The following RIMS2 variants were observed in gnomAD, a reference collection of about 807,000 sequenced individuals.
The protein encoded by RIMS2 is regulating synaptic membrane exocytosis protein 2.
A neutral mutation model predicts 174.4 loss-of-function variants in RIMS2; 59 were observed. The observed-to-expected ratio is 0.34, with a 90% CI of 0.27 to 0.42. The LOEUF is 0.42. RIMS2 is among the 10% of genes least tolerant of loss of function. RIMS2 has a pLI of 1.00. For synonymous variants in RIMS2, 606 were observed against 572.5 expected (o/e 1.06, Z -0.84); for missense variants, 1,620 against 1,666.3 (o/e 0.97, Z 0.48).
chr8:103,601,970 A>C (rs1169638334), intron 1 of RIMS2, among the ~76,000 whole-genome samples: 2 of 151,602 alleles, frequency 1.3e-5, no homozygotes, highest in African/African-American at 4.8e-5. Flanking sequence ...ATGCTTTTTT[A>C]TTTTTATTAT....
chr8:103,625,912 ATATATATACACAC>A (rs1299960651), intron 1 of RIMS2, among the ~76,000 whole-genome samples: 2 of 151,624 alleles, frequency 1.3e-5, no homozygotes, highest in Admixed American at 1.3e-4. Context: ...TGTATATATT[ATATATATACACAC>A]ACTAGTAAAT....
At chr8:103,842,266 T>C (rs1044227034) in intron 3 of RIMS2, among the ~76,000 whole-genome samples, 5 of 152,078 alleles carry the variant, frequency 3.3e-5, no homozygotes, top group African/African-American at 1.2e-4. Flanking sequence ...AATACAGTTA[T>C]AGTTTTTGCT....
intron 1 of RIMS2, among the ~76,000 whole-genome samples, chr8:103,661,392 T>C (rs1355501662): frequency 6.6e-6 from 1 of 152,230 alleles, no homozygotes; most frequent in Non-Finnish European, 1.5e-5. Context: ...TTTGGAGTTA[T>C]TTGTGAAAGT....
intron 14 of RIMS2, among the ~76,000 whole-genome samples, chr8:103,949,409 A>G (rs936044285): frequency 1.3e-5 from 2 of 152,162 alleles, no homozygotes; most frequent in Non-Finnish European, 2.9e-5. Context: ...CCAAACAAGT[A>G]TCGATAAGTT....
exon 3 of RIMS2, chr8:103,766,385 A>G (rs775597931): frequency 6.2e-7 from 1 of 1,613,936 alleles, no homozygotes; most frequent in Non-Finnish European, 8.5e-7. Flanking sequence ...AGAAACCAAA[A>G]CTACATGAGC....
chr8:103,501,423 G>A (rs754658551), intron 1 of RIMS2: 48 of 156,074 alleles, frequency 3.1e-4, no homozygotes, highest in Non-Finnish European at 5.9e-4. Flanking sequence ...GCCGCGCTGA[G>A]GCAGTGACTG....
intron 1 of RIMS2, among the ~76,000 whole-genome samples, chr8:103,520,314 G>A (rs1159676021): frequency 6.6e-6 from 1 of 152,094 alleles, no homozygotes; most frequent in Admixed American, 6.6e-5. Flanking sequence ...TCTGAAGTTA[G>A]ATTCATTTGT....
intron 19 of RIMS2, among the ~76,000 whole-genome samples, chr8:104,097,856 C>A (rs998455509): frequency 6.6e-5 from 10 of 152,016 alleles, no homozygotes; most frequent in African/African-American, 2.4e-4. Context: ...CTTTTAATGG[C>A]CATTACTTTT....
At chr8:103,799,980 G>A (rs1737536319) in intron 3 of RIMS2, among the ~76,000 whole-genome samples, 3 of 152,046 alleles carry the variant, frequency 2.0e-5, no homozygotes, top group African/African-American at 7.2e-5. Flanking sequence ...CCTTTCTCAT[G>A]TATATTTTAA....
chr8:103,712,330 T>C (rs1415436038), intron 2 of RIMS2, among the ~76,000 whole-genome samples: 1 of 152,008 alleles, frequency 6.6e-6, no homozygotes, highest in Admixed American at 6.6e-5. Context: ...AAATGTTAAT[T>C]TAAAAATATG....
chr8:103,743,053 C>A (rs187546527), intron 2 of RIMS2, among the ~76,000 whole-genome samples: 76 of 152,208 alleles, frequency 5.0e-4, no homozygotes, highest in African/African-American at 1.6e-3. Context: ...TCCTTTTATG[C>A]CCTCTTCCAA....
chr8:104,064,274 A>G (rs1311266478), intron 19 of RIMS2, among the ~76,000 whole-genome samples: 1 of 152,200 alleles, frequency 6.6e-6, no homozygotes, highest in Non-Finnish European at 1.5e-5. Flanking sequence ...ATATGATTTA[A>G]GGAAATAAGT....
intron 19 of RIMS2, among the ~76,000 whole-genome samples, chr8:104,043,738 T>C (rs1489653064): frequency 6.6e-6 from 1 of 151,706 alleles, no homozygotes; most frequent in Non-Finnish European, 1.5e-5. Flanking sequence ...AATGTGAAGA[T>C]ACAATGTTTG....
intron 19 of RIMS2, among the ~76,000 whole-genome samples, chr8:104,176,447 A>C (rs1302040196): frequency 6.6e-6 from 1 of 152,070 alleles, no homozygotes; most frequent in African/African-American, 2.4e-5. Context: ...CCTGGCATCA[A>C]ATCATAGTGG....
rs777525638 is a variant in RIMS2 at position 103,819,482 on chromosome 8, G to A, written c.698+52945G>A. On this transcript the variant is annotated intron_variant, in intron 3 of 23. Coordinates refer to ENST00000504942, the Ensembl canonical transcript of RIMS2. ...AAAGACAGGTGGTAGGGAAAAATAA[G>A]AGAAGGGGAAAAAAAAAGAAAGAAA... The A allele has an allele frequency of 3.7e-6, 6 of 1,610,006 alleles. No homozygotes were observed. The Admixed American group carries it at 1.0e-4, about 27-fold the overall frequency.
chr8:103,811,457 A>AT (rs1336147887), intron 3 of RIMS2, among the ~76,000 whole-genome samples: 1 of 152,008 alleles, frequency 6.6e-6, no homozygotes, highest in Non-Finnish European at 1.5e-5. Flanking sequence ...TAATTAATTT[A>AT]TTTTTGAGTC....
intron 19 of RIMS2, among the ~76,000 whole-genome samples, chr8:104,158,286 C>G (rs749036050): frequency 3.3e-5 from 5 of 152,220 alleles, no homozygotes; most frequent in Non-Finnish European, 7.4e-5. Context: ...TTTTCTTTAT[C>G]CAGTCTATTA....
At chr8:103,835,103 CTTTT>C (rs528538789) in intron 3 of RIMS2, among the ~76,000 whole-genome samples, 3 of 130,784 alleles carry the variant, frequency 2.3e-5, no homozygotes, top group Admixed American at 7.8e-5. Flanking sequence ...CTTTTCTTTT[CTTTT>C]TTTTTTTTTT....
rs566312906 is a variant in RIMS2 at position 103,898,831 on chromosome 8, G to A, written c.1625-11303G>A. Among the ~76,000 whole-genome samples, 61 of 151,218 alleles carry A rather than the reference G, an allele frequency of 4.0e-4. 1 individual carries two copies. The highest frequency in any genetic ancestry group is 1.3e-3 in the African/African-American group (51 of 40,786). Reference sequence around the variant, plus strand: ...GTTGGTGTGCTGCACCCATGAACTCGTCATTTACATTAGGTATATCTCCTA... The same window carrying A: ...GTTGGTGTGCTGCACCCATGAACTCATCATTTACATTAGGTATATCTCCTA... On this transcript the variant is annotated intron_variant, in intron 4 of 23. Transcript: ENST00000504942.
Sources: gnomAD v4.1 joint callset for allele counts (sites outside exome capture counted in the v4.1 genomes callset) on GRCh38, gnomAD v4.1.1 for gene constraint, MANE v1.5 for transcripts, NCBI Gene and HGNC (gene_info 2026-07-23, HGNC 2026-07-21) for gene names.